The following ADAMTS6 variants were observed in gnomAD, a reference collection of about 807,000 sequenced individuals.
ADAMTS6 encodes the protein A disintegrin and metalloproteinase with thrombospondin motifs 6.
A neutral mutation model predicts 144.3 loss-of-function variants in ADAMTS6; 23 were observed. That is an observed-to-expected ratio of 0.16 (90% CI 0.11 to 0.23). ADAMTS6 has a LOEUF of 0.23. Ranked by LOEUF, ADAMTS6 falls within the 10% of genes least tolerant of loss-of-function variation. The pLI, the probability that ADAMTS6 is intolerant of heterozygous loss-of-function variation, is 1.00. For synonymous variants in ADAMTS6, 444 were observed against 457.5 expected, an observed-to-expected ratio of 0.97 and a Z score of 0.38; for missense variants, 999 against 1,379.6, an observed-to-expected ratio of 0.72 and a Z score of 4.37.
intron 7 of ADAMTS6, among the ~76,000 whole-genome samples, chr5:65,362,750 C>T (rs1749941891): frequency 6.6e-6 from 1 of 152,112 alleles, no homozygotes; most frequent in South Asian, 2.1e-4. Context: ...GAGATTTCTG[C>T]CTTCAGTGGT....
intron 20 of ADAMTS6, among the ~76,000 whole-genome samples, chr5:65,200,824 A>C (rs2112246728): frequency 6.6e-6 from 1 of 152,322 alleles, no homozygotes; most frequent in Admixed American, 6.5e-5. Context: ...TATTTACTTT[A>C]AACCCTCTAC....
At chr5:65,445,183 G>A (rs1346270021) in intron 7 of ADAMTS6, among the ~76,000 whole-genome samples, 1 of 152,132 alleles carries the variant, frequency 6.6e-6, no homozygotes, top group African/African-American at 2.4e-5. Flanking sequence ...TGGGCACTGA[G>A]GAAATAGCAT....
chr5:65,364,533 A>ATTGACTAT (rs1750114915), intron 7 of ADAMTS6, among the ~76,000 whole-genome samples: 1 of 132,906 alleles, frequency 7.5e-6, no homozygotes. Flanking sequence ...TTGTTAAGTT[A>ATTGACTAT]TTGACTATGG....
intron 22 of ADAMTS6, among the ~76,000 whole-genome samples, chr5:65,185,771 A>C (rs1458092922): frequency 6.6e-6 from 1 of 152,250 alleles, no homozygotes; most frequent in Non-Finnish European, 1.5e-5. Flanking sequence ...GTGAAGTTGA[A>C]TTCTGAAGGA....
In ADAMTS6 at chr5:65,411,210, G is replaced by A. The variant is rs555089460; in HGVS notation, c.1073+40265C>T. Among the ~76,000 whole-genome samples the A allele has an allele frequency of 3.9e-5, 6 of 152,066 alleles. 1 individual carries two copies. Among genetic ancestry groups the A allele is most frequent in the African/African-American group, 9.6e-5 (4 of 41,488 alleles). On this transcript the variant is annotated intron_variant, in intron 7 of 24. Coordinates refer to ENST00000381055, the MANE Select transcript of ADAMTS6 (RefSeq NM_197941.4). Reference sequence around the variant, plus strand: ...TATTTTTAAAATCTATTTATCCATCGGTCAACAGTGAGTTTGATTTGCTGT... The same window carrying A: ...TATTTTTAAAATCTATTTATCCATCAGTCAACAGTGAGTTTGATTTGCTGT...
intron 7 of ADAMTS6, among the ~76,000 whole-genome samples, chr5:65,359,214 A>C (rs1414009403): frequency 6.6e-6 from 1 of 152,124 alleles, no homozygotes; most frequent in Admixed American, 6.6e-5. Flanking sequence ...ATGTACAAAG[A>C]ATCTTCTGAT....
At chr5:65,362,441 C>T (rs1442062340) in intron 7 of ADAMTS6, among the ~76,000 whole-genome samples, 1 of 152,106 alleles carries the variant, frequency 6.6e-6, no homozygotes, top group Admixed American at 6.5e-5. Flanking sequence ...TTCATGTTGT[C>T]GTTTTGACCA....
chr5:65,430,052 A>G (rs530551472), intron 7 of ADAMTS6, among the ~76,000 whole-genome samples: 8 of 152,112 alleles, frequency 5.3e-5, no homozygotes, highest in Non-Finnish European at 1.2e-4. Flanking sequence ...TTCAGTAGAT[A>G]ATTTCAGTTA....
At chr5:65,229,361 T>C (rs1757964328) in intron 15 of ADAMTS6, among the ~76,000 whole-genome samples, 1 of 152,132 alleles carries the variant, frequency 6.6e-6, no homozygotes, top group African/African-American at 2.4e-5. Flanking sequence ...GTTCTCCACA[T>C]GCAAAGACAG....
chr5:65,170,262 G>C (rs562025735), intron 24 of ADAMTS6, among the ~76,000 whole-genome samples: 2 of 152,256 alleles, frequency 1.3e-5, no homozygotes, highest in East Asian at 3.9e-4. Flanking sequence ...TATCCAAAAA[G>C]AAACAGAAGT....
chr5:65,270,415 A>G (rs193096008), intron 12 of ADAMTS6, among the ~76,000 whole-genome samples: 26 of 152,358 alleles, frequency 1.7e-4, no homozygotes, highest in African/African-American at 5.5e-4. Flanking sequence ...CAATACAGTT[A>G]GTAAAAGATA....
At chr5:65,334,232 C>A in intron 7 of ADAMTS6, 147 bp from the exon 8 acceptor site, 1 of 845,230 alleles carries the variant, frequency 1.2e-6, no homozygotes, top group Non-Finnish European at 1.7e-6. Flanking sequence ...TTTCAGCACT[C>A]TACAGTGCTG....
chr5:65,253,194 T>G (rs2112552923), intron 14 of ADAMTS6, among the ~76,000 whole-genome samples: 1 of 152,270 alleles, frequency 6.6e-6, no homozygotes, highest in East Asian at 1.9e-4. Flanking sequence ...ACCCAGCCAA[T>G]TTTCTATTTT....
intron 22 of ADAMTS6, among the ~76,000 whole-genome samples, chr5:65,179,952 GCACGCGCACA>G (rs951832763): frequency 1.1e-4 from 9 of 83,710 alleles, no homozygotes; most frequent in Admixed American, 6.0e-4. Flanking sequence ...ACATGTGCAC[GCACGCGCACA>G]CACACACACA....
chr5:65,191,916 A>C (rs1755038684), intron 21 of ADAMTS6, among the ~76,000 whole-genome samples: 1 of 152,124 alleles, frequency 6.6e-6, no homozygotes, highest in African/African-American at 2.4e-5. Context: ...GTACCTTACC[A>C]AGCTGGTGAT....
At chr5:65,410,074 A>T (rs1007301414) in intron 7 of ADAMTS6, among the ~76,000 whole-genome samples, 1 of 152,180 alleles carries the variant, frequency 6.6e-6, no homozygotes, top group Admixed American at 6.5e-5. Context: ...TTTCCTAAAA[A>T]CACTTGTGCT....
At chr5:65,305,471 C>T (rs1743848458) in intron 9 of ADAMTS6, among the ~76,000 whole-genome samples, 1 of 152,016 alleles carries the variant, frequency 6.6e-6, no homozygotes, top group South Asian at 2.1e-4. Flanking sequence ...GATAATGATG[C>T]TGTGCCTTGA....
intron 20 of ADAMTS6, chr5:65,209,937 A>T (rs1756382193): frequency 1.3e-5 from 2 of 155,636 alleles, no homozygotes; most frequent in Admixed American, 1.3e-4. Flanking sequence ...ATAAATAAAA[A>T]ACACACACCC....
At chr5:65,315,957 GC>G (rs1744952307) in intron 9 of ADAMTS6, among the ~76,000 whole-genome samples, 1 of 152,166 alleles carries the variant, frequency 6.6e-6, no homozygotes, top group Non-Finnish European at 1.5e-5. Context: ...TGTCGCCCAG[GC>G]TGGAGTGCAG....
Sources: gnomAD v4.1 joint callset for allele counts (sites outside exome capture counted in the v4.1 genomes callset) on GRCh38, gnomAD v4.1.1 for gene constraint, MANE v1.5 for transcripts, NCBI Gene and HGNC (gene_info 2026-07-23, HGNC 2026-07-21) for gene names.